CLNK: variants seen among roughly 807,000 people sequenced by gnomAD.
CLNK encodes cytokine-dependent hematopoietic cell linker.
A neutral mutation model predicts 68.6 loss-of-function variants in CLNK; 74 were observed. That is an observed-to-expected ratio of 1.08 (90% CI 0.89 to 1.31). The LOEUF (loss-of-function observed/expected upper bound fraction) is 1.31. CLNK is among the 50% of genes most tolerant of loss of function. The probability of loss-of-function intolerance (pLI) is 0.00; values close to 1 mark genes in which losing one functional copy is unlikely to be tolerated. For missense variants in CLNK, 553 were observed against 515.3 expected (o/e 1.07, Z -0.71); for synonymous variants, 198 against 172.2 (o/e 1.15, Z -1.17).
chr4:10,573,237 G>A (rs1720419036), intron 4 of CLNK, among the ~76,000 whole-genome samples: 1 of 152,194 alleles, frequency 6.6e-6, no homozygotes, highest in Admixed American at 6.5e-5. Flanking sequence ...TTTCTAAGGT[G>A]TAATGTACAA....
chr4:10,616,909 C>T (rs959872774), intron 2 of CLNK, among the ~76,000 whole-genome samples: 1 of 151,208 alleles, frequency 6.6e-6, no homozygotes, highest in African/African-American at 2.4e-5. Context: ...AAAGCATTGC[C>T]ATTTATAATG....
rs71281268 is a variant in CLNK at position 10,654,384 on chromosome 4, A to AATATATATATATATATAT, written c.11+13457_11+13474dup. 3.9e-3 allele frequency among the ~76,000 whole-genome samples: 328 copies of AATATATATATATATATAT among 84,128 alleles called. 18 individuals are homozygous for AATATATATATATATATAT. The highest frequency in any genetic ancestry group is 0.02 in the East Asian group (57 of 2,904). 55.2% of individuals were successfully genotyped at this position (84,128 alleles called of 152,430 possible). ...TATATAGATAAATATATATTGATTA[A>AATATATATATATATATAT]ATATATATATATATATATAGAAAGT... On this transcript the variant is annotated intron_variant, in intron 2 of 18. Coordinates refer to ENST00000226951, the MANE Select transcript of CLNK (RefSeq NM_052964.4).
chr4:10,669,492 T>C (rs1050169608), intron 1 of CLNK, among the ~76,000 whole-genome samples: 34 of 152,142 alleles, frequency 2.2e-4, no homozygotes, highest in African/African-American at 8.0e-4. Flanking sequence ...GGTGTGAAGA[T>C]GTTACAATGT....
intron 3 of CLNK, among the ~76,000 whole-genome samples, chr4:10,591,747 A>G (rs1721185868): frequency 6.6e-6 from 1 of 152,218 alleles, no homozygotes; most frequent in South Asian, 2.1e-4. Flanking sequence ...CATTTTCAAG[A>G]TTAGAGATTG....
In CLNK at chr4:10,660,913, G is replaced by A. The variant is rs78357208; in HGVS notation, c.11+6946C>T. On this transcript the variant is annotated intron_variant, in intron 2 of 18. Coordinates refer to ENST00000226951, the MANE Select transcript of CLNK (RefSeq NM_052964.4). ...AGCTTTTTAATTACTAGCCAACCAC[G>A]AAGCTGAATCCTACCTATATGACTT... Among the ~76,000 whole-genome samples the A allele has an allele frequency of 4.0e-3, 602 of 152,290 alleles. 3 individuals carry two copies. Among genetic ancestry groups the A allele is most frequent in the African/African-American group, 0.013 (534 of 41,558 alleles).
chr4:10,490,370 A>C lies in CLNK; in HGVS notation c.*97T>G. On this transcript the variant is annotated 3_prime_UTR_variant, in exon 19 of 19. Coordinates refer to ENST00000226951, the MANE Select transcript of CLNK (RefSeq NM_052964.4). ...GTTTTTCTTTTCTCCAAAGTTAAAA[A>C]AGTTGTCCCTTGAAGGCACAGAAAA... is the stretch of plus-strand genomic sequence containing the variant. The C allele has an allele frequency of 7.6e-7, 1 of 1,314,188 alleles. No individual in the cohort carries two copies. Among genetic ancestry groups the C allele is most frequent in the South Asian group, 1.6e-5 (1 of 64,222 alleles). 81.4% of individuals were successfully genotyped at this position (1,314,188 alleles called of 1,614,324 possible).
chr4:10,555,652 A>G (rs1382338116), intron 8 of CLNK, among the ~76,000 whole-genome samples: 2 of 152,266 alleles, frequency 1.3e-5, no homozygotes, highest in Admixed American at 6.5e-5. Context: ...ACATAAATCT[A>G]TAACTGCTCA....
chr4:10,648,173 C>A (rs575407799), intron 2 of CLNK, among the ~76,000 whole-genome samples: 1 of 152,272 alleles, frequency 6.6e-6, no homozygotes, highest in African/African-American at 2.4e-5. Flanking sequence ...TAATGAGATA[C>A]CTCATATTTA....
the CLNK span, among the ~76,000 whole-genome samples, chr4:10,731,165 C>T: frequency 6.6e-6 from 1 of 152,212 alleles, no homozygotes; most frequent in Non-Finnish European, 1.5e-5. Flanking sequence ...AAACATTAGA[C>T]CATATTCCTT....
intron 18 of CLNK, among the ~76,000 whole-genome samples, chr4:10,495,053 C>G (rs1351167105): frequency 6.6e-6 from 1 of 151,582 alleles, no homozygotes; most frequent in Admixed American, 6.6e-5. Flanking sequence ...GAGATAAATG[C>G]CAAGCAAGCA....
chr4:10,551,431 A>ATATTT (rs144035918), intron 8 of CLNK, among the ~76,000 whole-genome samples: 3 of 149,278 alleles, frequency 2.0e-5, no homozygotes, highest in South Asian at 2.1e-4. Flanking sequence ...ATATATATAT[A>ATATTT]TTTTTTTTTA....
chr4:10,681,085 AG>A (rs1725079038), intron 1 of CLNK, among the ~76,000 whole-genome samples: 1 of 152,212 alleles, frequency 6.6e-6, no homozygotes. Flanking sequence ...CAGCAAATCC[AG>A]CTTTTGAAAT....
intron 3 of CLNK, among the ~76,000 whole-genome samples, chr4:10,587,763 G>T (rs780913340): frequency 6.6e-5 from 10 of 152,140 alleles, no homozygotes; most frequent in Non-Finnish European, 1.0e-4. Flanking sequence ...CCAATCCACA[G>T]AGCCTCTAAG....
chr4:10,610,052 T>G (rs1411952328), intron 2 of CLNK, among the ~76,000 whole-genome samples: 27 of 115,796 alleles, frequency 2.3e-4, no homozygotes, highest in African/African-American at 8.3e-4. Context: ...TTTTTTTTTT[T>G]TTTTTTTTTT....
intron 3 of CLNK, among the ~76,000 whole-genome samples, chr4:10,588,556 T>C (rs757224197): frequency 2.6e-5 from 4 of 152,162 alleles, no homozygotes; most frequent in Non-Finnish European, 4.4e-5. Context: ...GGCACTAAGA[T>C]AGGTTCAACT....
At chr4:10,551,856 T>TG (rs1448251838) in intron 8 of CLNK, among the ~76,000 whole-genome samples, 126 of 151,762 alleles carry the variant, frequency 8.3e-4, no homozygotes, top group African/African-American at 2.7e-3. Context: ...TAATTTTTTT[T>TG]TTTTTTTTTG....
At chr4:10,563,861 T>C (rs1033451455) in intron 7 of CLNK, among the ~76,000 whole-genome samples, 1 of 152,036 alleles carries the variant, frequency 6.6e-6, no homozygotes, top group South Asian at 2.1e-4. Context: ...GAACTGAGAT[T>C]GTGCCATTGC....
At chr4:10,517,942 A>G (rs916831792) in intron 15 of CLNK, among the ~76,000 whole-genome samples, 6 of 152,196 alleles carry the variant, frequency 3.9e-5, no homozygotes, top group Admixed American at 3.3e-4. Flanking sequence ...AATTCTGACT[A>G]TGTAACTCAC....
chr4:10,624,059 G>T (rs1330965871), intron 2 of CLNK, among the ~76,000 whole-genome samples: 1 of 152,188 alleles, frequency 6.6e-6, no homozygotes. Flanking sequence ...TTTCTGAAAA[G>T]AACACTTTTC....
Sources: allele counts gnomAD v4.1 joint callset (sites outside exome capture counted in the v4.1 genomes callset), GRCh38; gene constraint gnomAD v4.1.1; transcripts MANE v1.5; gene names NCBI Gene and HGNC (gene_info 2026-07-23, HGNC 2026-07-21).